The following UGT1A4 variants were observed in gnomAD, a reference collection of about 807,000 sequenced individuals.
UGT1A4 encodes the protein UDP glucuronosyltransferase family 1 member A4.
In UGT1A4, 32 loss-of-function variants were observed where a neutral mutation model predicts 41.1. The observed-to-expected ratio is 0.78, with a 90% confidence interval of 0.59 to 1.05. The LOEUF (loss-of-function observed/expected upper bound fraction) is 1.05. Ranked by LOEUF, UGT1A4 falls within the 50% of genes least tolerant of loss-of-function variation. UGT1A4 has a pLI of 0.00. For synonymous variants in UGT1A4, 283 were observed against 265.1 expected, an observed-to-expected ratio of 1.07 and a Z score of -0.66; for missense variants, 748 against 677.4, an observed-to-expected ratio of 1.10 and a Z score of -1.16.
chr2:233,726,835 ATT>A (rs1243429736), intron 1 of UGT1A4, among the ~76,000 whole-genome samples: 1 of 152,090 alleles, frequency 6.6e-6, no homozygotes, highest in African/African-American at 2.4e-5. Flanking sequence ...TTTAAATTTA[ATT>A]TTTGTTCCTT....
intron 1 of UGT1A4, chr2:233,754,501 CT>C (rs1695497975): frequency 2.8e-6 from 1 of 356,918 alleles, no homozygotes; most frequent in Non-Finnish European, 5.6e-6. Context: ...AAAAAGTCCG[CT>C]ATTCCTCCAG....
chr2:233,721,747 T>C, intron 1 of UGT1A4: 1 of 445,298 alleles, frequency 2.2e-6, no homozygotes, highest in South Asian at 1.7e-5. Context: ...GATGAGAGAA[T>C]CTACATCTAA....
intron 1 of UGT1A4, chr2:233,754,913 C>T (rs778952229): frequency 7.4e-7 from 1 of 1,353,756 alleles, no homozygotes; most frequent in African/African-American, 1.5e-5. Context: ...AAATATTCTC[C>T]AGCGGGTTTC....
At chr2:233,729,023 T>C (rs2125738984) in intron 1 of UGT1A4, 1 of 1,595,674 alleles carries the variant, frequency 6.3e-7, no homozygotes, top group Non-Finnish European at 8.5e-7. Context: ...CAATTACACG[T>C]TGATTTGCTA....
intron 1 of UGT1A4, chr2:233,747,297 T>C: frequency 6.2e-7 from 1 of 1,601,102 alleles, no homozygotes; most frequent in Admixed American, 1.7e-5. Context: ...GGGCTGAGAG[T>C]GGGAAGGTGC....
At chr2:233,760,175 C>T (rs2125979710) in intron 1 of UGT1A4, 1 of 1,540,768 alleles carries the variant, frequency 6.5e-7, no homozygotes, top group Non-Finnish European at 8.7e-7. Flanking sequence ...GGACTGACAG[C>T]TTTTTATAGT....
In UGT1A4 at chr2:233,760,993, G is replaced by C. The variant is rs367668492; in HGVS notation, c.868-6041G>C. ...TTCCCCGTATGCAACCCTTGCCTCA[G>C]AATTCCTTCAGAGAGAGGTGACTGT... On this transcript the variant is annotated intron_variant, in intron 1 of 4. Coordinates refer to ENST00000373409, the MANE Select transcript of UGT1A4 (RefSeq NM_007120.3). The C allele has an allele frequency of 4.5e-5, 73 of 1,614,036 alleles. No homozygotes were observed. Among genetic ancestry groups the C allele is most frequent in the South Asian group, 2.0e-4 (18 of 91,074 alleles).
At chr2:233,740,222 C>T (rs1446035659) in intron 1 of UGT1A4, among the ~76,000 whole-genome samples, 1 of 151,764 alleles carries the variant, frequency 6.6e-6, no homozygotes, top group Non-Finnish European at 1.5e-5. Context: ...TCAGCTGCGT[C>T]TTTATAGCAG....
chr2:233,733,834 A>G (rs887366512), intron 1 of UGT1A4, among the ~76,000 whole-genome samples: 1 of 152,086 alleles, frequency 6.6e-6, no homozygotes, highest in Admixed American at 6.6e-5. Flanking sequence ...TGAGTTAGGG[A>G]GGATTCCCTC....
chr2:233,764,038 A>G (rs1698463579), intron 1 of UGT1A4, among the ~76,000 whole-genome samples: 1 of 152,218 alleles, frequency 6.6e-6, no homozygotes, highest in East Asian at 1.9e-4. Flanking sequence ...CTAAAGAAGA[A>G]TTCTGGGAAA....
intron 1 of UGT1A4, among the ~76,000 whole-genome samples, chr2:233,726,241 T>TG (rs535893777): frequency 2.0e-4 from 31 of 152,288 alleles, no homozygotes; most frequent in African/African-American, 6.7e-4. Context: ...AACTCCAATA[T>TG]GAAAAGCTGG....
In UGT1A4 at chr2:233,772,586, T is replaced by C. The variant is rs370727977; in HGVS notation, c.*27T>C. The C allele has an allele frequency of 3.7e-6, 6 of 1,604,570 alleles. No individual in the cohort carries two copies. The highest frequency in any genetic ancestry group is 5.1e-6 in the Non-Finnish European group (6 of 1,175,016). On this transcript the variant is annotated 3_prime_UTR_variant, in exon 5 of 5. Coordinates refer to ENST00000373409, the MANE Select transcript of UGT1A4 (RefSeq NM_007120.3). Reference sequence around the variant, plus strand: ...AAGTGGGTGGGAAATAAGGTAAAATTTTGAACCATTCCCTAGTCATTTCCA... The same window carrying C: ...AAGTGGGTGGGAAATAAGGTAAAATCTTGAACCATTCCCTAGTCATTTCCA...
intron 1 of UGT1A4, among the ~76,000 whole-genome samples, chr2:233,731,894 C>A (rs1470586397): frequency 6.6e-6 from 1 of 152,238 alleles, no homozygotes; most frequent in Non-Finnish European, 1.5e-5. Context: ...AATTTACACT[C>A]CCACCAATGG....
intron 1 of UGT1A4, among the ~76,000 whole-genome samples, chr2:233,735,528 T>A (rs1193840651): frequency 1.3e-5 from 2 of 152,238 alleles, no homozygotes; most frequent in African/African-American, 4.8e-5. Flanking sequence ...TAAATATTGT[T>A]ATGAGTGAAT....
At chr2:233,744,624 T>A (rs1301133091) in intron 1 of UGT1A4, among the ~76,000 whole-genome samples, 12 of 151,914 alleles carry the variant, frequency 7.9e-5, no homozygotes, top group Non-Finnish European at 1.5e-4. Context: ...TATAGAGAGG[T>A]GGATTCTCAT....
At chr2:233,757,560 A>G (rs183308239) in intron 1 of UGT1A4, among the ~76,000 whole-genome samples, 5,655 of 123,138 alleles carry the variant, frequency 0.046, 493 homozygotes, top group Non-Finnish European at 0.065. Flanking sequence ...ATATATATAT[A>G]TGTATATATG....
intron 1 of UGT1A4, among the ~76,000 whole-genome samples, chr2:233,724,704 C>T (rs867669613): frequency 2.8e-5 from 4 of 144,994 alleles, no homozygotes; most frequent in Non-Finnish European, 6.0e-5. Flanking sequence ...AGACGCTCCT[C>T]GCTTTCCAGA....
rs1699804309 is a variant in UGT1A4, at chr2:233,769,169, A to G, written c.1307+730A>G. Among the ~76,000 whole-genome samples, 1 of 152,236 alleles carries G rather than the reference A, an allele frequency of 6.6e-6. No individual in the cohort carries two copies. The highest frequency in any genetic ancestry group is 2.1e-4 in the South Asian group (1 of 4,828). On this transcript the variant is annotated intron_variant, in intron 4 of 4. Coordinates refer to ENST00000373409, the MANE Select transcript of UGT1A4 (RefSeq NM_007120.3). The surrounding 1 kb of genome is among the most constrained non-coding windows in gnomAD (Gnocchi z 4.4). ...CTGGAACCTGTGAGAAATTTTGTCC[A>G]TGGAGTTTATGAATGAAGGAGCTAT...
intron 1 of UGT1A4, chr2:233,743,509 G>T: frequency 7.3e-7 from 1 of 1,367,170 alleles, no homozygotes; most frequent in Non-Finnish European, 9.8e-7. Context: ...GGGTGCAGAC[G>T]CTCTGCTTCT....
Sources: gnomAD v4.1 joint callset for allele counts (sites outside exome capture counted in the v4.1 genomes callset) on GRCh38, gnomAD v4.1.1 for gene constraint, Gnocchi (gnomAD v3.1) non-coding constraint, MANE v1.5 for transcripts, NCBI Gene and HGNC (gene_info 2026-07-23, HGNC 2026-07-21) for gene names.